PDE4B: variants seen among roughly 807,000 people sequenced by gnomAD.
The protein encoded by PDE4B is 3',5'-cyclic-AMP phosphodiesterase 4B.
A neutral mutation model predicts 82.2 loss-of-function variants in PDE4B; 20 were observed. The ratio of observed to expected loss-of-function variants is 0.24; its 90% CI spans 0.17 to 0.35. PDE4B has a LOEUF of 0.35. PDE4B is among the 10% of genes least tolerant of loss of function. The probability of loss-of-function intolerance (pLI) is 1.00; values close to 1 mark genes in which losing one functional copy is unlikely to be tolerated. For synonymous variants in PDE4B, 320 were observed against 318.9 expected (o/e 1.00, Z -0.04); for missense variants, 655 against 907.2 (o/e 0.72, Z 3.57).
At chr1:66,144,407 A>G (rs1024358637) in intron 3 of PDE4B, among the ~76,000 whole-genome samples, 27 of 152,206 alleles carry the variant, frequency 1.8e-4, no homozygotes, top group African/African-American at 6.3e-4. Context: ...GGATTTGAAA[A>G]CTGTGATTTA....
At chr1:65,808,356 G>T (rs1260900942) in intron 1 of PDE4B, among the ~76,000 whole-genome samples, 1 of 152,020 alleles carries the variant, frequency 6.6e-6, no homozygotes, top group Non-Finnish European at 1.5e-5. Context: ...AAATTGTAGA[G>T]ACAGGGTCTT....
intron 3 of PDE4B, among the ~76,000 whole-genome samples, chr1:65,981,545 CTT>C (rs35405572): frequency 2.8e-3 from 396 of 140,194 alleles, no homozygotes; most frequent in Non-Finnish European, 3.1e-3. Context: ...TTCATGTTTC[CTT>C]TTTTTTTTTT....
chr1:66,214,010 T>C (rs1650262673), intron 3 of PDE4B, among the ~76,000 whole-genome samples: 1 of 152,164 alleles, frequency 6.6e-6, no homozygotes, highest in East Asian at 1.9e-4. Context: ...GCCATACAGG[T>C]GCCTACAGTA....
rs140334250 is a variant in PDE4B, at chr1:65,947,385, A to G, written c.281+28550A>G. On this transcript the variant is annotated intron_variant, in intron 3 of 16. Coordinates refer to ENST00000341517, the MANE Select transcript of PDE4B (RefSeq NM_002600.4). ...CAAGGCCAGGCTCGGCTCGTGTATT[A>G]AATAGGACCCCATTAGGGACCACCA... 7.8e-4 allele frequency among the ~76,000 whole-genome samples: 119 copies of G among 152,128 alleles called. 1 individual carries two copies. The highest frequency in any genetic ancestry group is 2.8e-3 in the African/African-American group (115 of 41,548).
intron 3 of PDE4B, among the ~76,000 whole-genome samples, chr1:65,967,832 A>G (rs1649921094): frequency 6.6e-6 from 1 of 152,130 alleles, no homozygotes; most frequent in South Asian, 2.1e-4. Context: ...AAACACATGG[A>G]CACAGGGAGG....
intron 3 of PDE4B, among the ~76,000 whole-genome samples, chr1:65,967,752 A>T (rs563321165): frequency 6.6e-6 from 1 of 152,298 alleles, no homozygotes; most frequent in East Asian, 1.9e-4. Flanking sequence ...CATCATTCTC[A>T]GCAAACAAAC....
chr1:66,031,280 A>G (rs1653761578), intron 3 of PDE4B, among the ~76,000 whole-genome samples: 1 of 152,192 alleles, frequency 6.6e-6, no homozygotes, highest in South Asian at 2.1e-4. Flanking sequence ...TAAAAACCCA[A>G]TTAATATTCT....
chr1:66,206,090 G>C (rs1160175723), intron 3 of PDE4B, among the ~76,000 whole-genome samples: 2 of 152,326 alleles, frequency 1.3e-5, no homozygotes, highest in East Asian at 3.9e-4. Context: ...TGGCTTCCAA[G>C]TTGTCAGACA....
intron 3 of PDE4B, among the ~76,000 whole-genome samples, chr1:65,951,865 G>A (rs1178929922): frequency 6.6e-6 from 1 of 151,912 alleles, no homozygotes; most frequent in South Asian, 2.1e-4. Flanking sequence ...TATAATTCTA[G>A]GGCTTGGTTT....
rs375778532 is a variant in PDE4B, at chr1:65,883,156, T to C, written c.-70-30089T>C. Among the ~76,000 whole-genome samples the C allele has an allele frequency of 1.4e-4, 22 of 152,322 alleles. No individual in the cohort carries two copies. The East Asian group carries it at 4.0e-3, about 28-fold the overall frequency. On this transcript the variant is annotated intron_variant, in intron 1 of 16. Coordinates refer to ENST00000341517, the MANE Select transcript of PDE4B (RefSeq NM_002600.4). ...AAATGCGGGCTCTTTTTTGGTTCCA[T>C]ATGAACTTTAAAGTAGTTTTTTCCA...
intron 7 of PDE4B, among the ~76,000 whole-genome samples, chr1:66,309,785 C>G (rs775091830): frequency 1.3e-5 from 2 of 152,138 alleles, no homozygotes; most frequent in Non-Finnish European, 2.9e-5. Context: ...GAAATGCACC[C>G]CTCATGGCAC....
chr1:66,152,878 T>C (rs1166858541), intron 3 of PDE4B, among the ~76,000 whole-genome samples: 1 of 152,072 alleles, frequency 6.6e-6, no homozygotes, highest in Non-Finnish European at 1.5e-5. Context: ...CTCTGGGAAA[T>C]GTGTTTTTGC....
At chr1:66,348,790 A>C (rs2101981514) in intron 8 of PDE4B, among the ~76,000 whole-genome samples, 1 of 151,822 alleles carries the variant, frequency 6.6e-6, no homozygotes, top group African/African-American at 2.4e-5. Flanking sequence ...ATAGTTTATA[A>C]ATATTATATA....
chr1:66,117,804 G>T (rs1376269634), intron 3 of PDE4B, among the ~76,000 whole-genome samples: 1 of 152,126 alleles, frequency 6.6e-6, no homozygotes, highest in Non-Finnish European at 1.5e-5. Flanking sequence ...CTTAAAAAGA[G>T]GATGCATATG....
intron 7 of PDE4B, among the ~76,000 whole-genome samples, chr1:66,322,935 C>G (rs1435740531): frequency 6.6e-6 from 1 of 152,102 alleles, no homozygotes; most frequent in African/African-American, 2.4e-5. Context: ...ACTCAAATGG[C>G]AAAGCCAGAT....
chr1:66,348,359 A>C (rs1661565470), intron 8 of PDE4B, among the ~76,000 whole-genome samples: 1 of 152,200 alleles, frequency 6.6e-6, no homozygotes, highest in Non-Finnish European at 1.5e-5. Flanking sequence ...GGTTTCTGCT[A>C]AATTTAATTA....
At chr1:65,946,092 G>A (rs1326161175) in intron 3 of PDE4B, among the ~76,000 whole-genome samples, 2 of 151,884 alleles carry the variant, frequency 1.3e-5, no homozygotes, top group African/African-American at 4.8e-5. Context: ...CTAATCTTGG[G>A]CTTTTTCTCC....
intron 3 of PDE4B, among the ~76,000 whole-genome samples, chr1:65,955,666 T>C (rs973369261): frequency 6.6e-6 from 1 of 152,146 alleles, no homozygotes; most frequent in Non-Finnish European, 1.5e-5. Context: ...TTCTCTGGTT[T>C]ATCTAGCAGC....
At chr1:65,866,552 T>C (rs1423393531) in intron 1 of PDE4B, among the ~76,000 whole-genome samples, 4 of 152,216 alleles carry the variant, frequency 2.6e-5, no homozygotes, top group Non-Finnish European at 5.9e-5. Flanking sequence ...TTTTTGCTTT[T>C]AGACAATATG....
Sources: allele counts gnomAD v4.1 joint callset (sites outside exome capture counted in the v4.1 genomes callset), GRCh38; gene constraint gnomAD v4.1.1; transcripts MANE v1.5; gene names NCBI Gene and HGNC (gene_info 2026-07-23, HGNC 2026-07-21).